DENND4C: variants seen among roughly 807,000 people sequenced by gnomAD.
DENND4C encodes the protein DENN domain-containing protein 4C.
Under a neutral mutation model 203.0 loss-of-function variants are expected in DENND4C, and 108 were observed. The observed-to-expected ratio is 0.53, with a 90% confidence interval of 0.46 to 0.62. The LOEUF (loss-of-function observed/expected upper bound fraction) is 0.62, where lower values mean the gene tolerates loss of function less well. DENND4C is among the 20% of genes least tolerant of loss of function. DENND4C has a pLI of 0.00. For missense variants in DENND4C, 2,481 were observed against 2,301.2 expected, an observed-to-expected ratio of 1.08 and a Z score of -1.60; for synonymous variants, 871 against 792.4, an observed-to-expected ratio of 1.10 and a Z score of -1.67.
chr9:19,319,876 A>G (rs142614547), intron 12 of DENND4C, among the ~76,000 whole-genome samples: 1 of 152,310 alleles, frequency 6.6e-6, no homozygotes, highest in African/African-American at 2.4e-5. Context: ...TTAGTGTCCT[A>G]AGGTATCCTT....
chr9:19,345,826 A>G (rs535758237), intron 22 of DENND4C, 95 bp from the exon 23 acceptor site: 1 of 1,151,242 alleles, frequency 8.7e-7, no homozygotes, highest in East Asian at 2.5e-5. Context: ...TATTCTGAGT[A>G]TATGTCACAT....
At chr9:19,350,016 G>T (rs1823725934) in intron 23 of DENND4C, among the ~76,000 whole-genome samples, 1 of 152,022 alleles carries the variant, frequency 6.6e-6, no homozygotes, top group Non-Finnish European at 1.5e-5. Context: ...TTAAAATCAT[G>T]TAACATGGTT....
Position 19,350,868 on chromosome 9 carries a change from A to G in DENND4C, c.4484A>G (p.His1495Arg). Residue 1495 changes from histidine (H) to arginine (R), a missense_variant, in exon 24 of 33, where the codon CAT (histidine) becomes CGT (arginine). This residue lies in a region of DENND4C where 2,289 missense variants were observed against 2,113.3 expected (regional missense o/e 1.08). Transcript: ENST00000434457. ...AGTAGTGGAGATGTAGGAAAACTGC[A>G]TTATCCAACAGGTATGGGGAAGGAT... The part of the protein sequence containing the change: ...SSSSGDVGKL[H>R]YPTGEVPFPR... 1.2e-6 allele frequency: 2 copies of G among 1,613,258 alleles called. No homozygotes were observed. The highest frequency in any genetic ancestry group is 1.7e-6 in the Non-Finnish European group (2 of 1,179,576).
chr9:19,306,879 C>G (rs1563785800), intron 10 of DENND4C, among the ~76,000 whole-genome samples: 1 of 151,934 alleles, frequency 6.6e-6, no homozygotes, highest in Non-Finnish European at 1.5e-5. Context: ...CTCCTGGGAT[C>G]AAGTGATTCT....
intron 2 of DENND4C, among the ~76,000 whole-genome samples, chr9:19,285,315 C>A (rs1478990517): frequency 6.6e-6 from 1 of 152,120 alleles, no homozygotes. Flanking sequence ...ATACAATTCA[C>A]ATGTCATACA....
chr9:19,289,955 G>A (rs1207724555), intron 4 of DENND4C, among the ~76,000 whole-genome samples: 2 of 151,930 alleles, frequency 1.3e-5, no homozygotes, highest in Admixed American at 1.3e-4. Context: ...CTTATAGAAA[G>A]AAACTGTACC....
At chr9:19,240,204 G>C (rs965693889) in intron 1 of DENND4C, among the ~76,000 whole-genome samples, 32 of 152,102 alleles carry the variant, frequency 2.1e-4, no homozygotes, top group African/African-American at 7.7e-4. Flanking sequence ...GTACTTACAT[G>C]ATCCTAGATG....
At chr9:19,350,929 T>C (rs75768183) in intron 24 of DENND4C, 50 bp downstream of exon 24, 2 of 515,830 alleles carry the variant, frequency 3.9e-6, no homozygotes, top group Non-Finnish European at 5.4e-6. Context: ...TAGTTTTTGC[T>C]TTTTTTTTTT....
At chr9:19,342,802 T>A in intron 22 of DENND4C, 23 bp downstream of exon 22, 1 of 1,538,826 alleles carries the variant, frequency 6.5e-7, no homozygotes. Flanking sequence ...ATTTTGGTTA[T>A]TAAATATTTA....
chr9:19,277,529 G>C (rs1833120612), intron 2 of DENND4C, among the ~76,000 whole-genome samples: 1 of 152,012 alleles, frequency 6.6e-6, no homozygotes, highest in Non-Finnish European at 1.5e-5. Flanking sequence ...CTGCAACTTT[G>C]CCGAATTTAT....
At chr9:19,328,505 C>G (rs1157037450) in intron 16 of DENND4C, among the ~76,000 whole-genome samples, 2 of 151,792 alleles carry the variant, frequency 1.3e-5, no homozygotes, top group African/African-American at 4.8e-5. Flanking sequence ...CCCAGCTACT[C>G]GGGAGGCTAA....
At chr9:19,234,606 G>A (rs1021358165) in intron 1 of DENND4C, among the ~76,000 whole-genome samples, 1 of 141,170 alleles carries the variant, frequency 7.1e-6, no homozygotes, top group African/African-American at 2.6e-5. Flanking sequence ...TCAGCTCACT[G>A]CAGCCTCTAC....
chr9:19,289,971 A>G (rs1018080563), intron 4 of DENND4C, among the ~76,000 whole-genome samples: 3 of 152,206 alleles, frequency 2.0e-5, no homozygotes, highest in Non-Finnish European at 4.4e-5. Flanking sequence ...GTACCAAAGT[A>G]TTCAGTTATT....
intron 15 of DENND4C, among the ~76,000 whole-genome samples, chr9:19,327,474 C>G (rs1818062903): frequency 6.6e-6 from 1 of 151,828 alleles, no homozygotes; most frequent in Admixed American, 6.6e-5. Flanking sequence ...CTAGCAAATT[C>G]TATTATTGGG....
intron 23 of DENND4C, among the ~76,000 whole-genome samples, chr9:19,350,193 A>T (rs1013861615): frequency 2.0e-5 from 3 of 152,200 alleles, no homozygotes; most frequent in African/African-American, 7.2e-5. Context: ...TATTCTGAAC[A>T]TTCAGATTCC....
intron 1 of DENND4C, among the ~76,000 whole-genome samples, chr9:19,257,347 C>A: frequency 7.2e-6 from 1 of 139,724 alleles, no homozygotes. Context: ...CAGAGTGACA[C>A]TCTGTCTCAA....
intron 5 of DENND4C, among the ~76,000 whole-genome samples, chr9:19,295,627 G>A (rs1299039521): frequency 6.8e-6 from 1 of 147,324 alleles, no homozygotes; most frequent in Non-Finnish European, 1.5e-5. Context: ...CTGAGATTGC[G>A]CTACTGCACT....
Position 19,360,334 on chromosome 9 carries a change from G to C in DENND4C, c.5251G>C (p.Glu1751Gln), listed in dbSNP as rs374003624. 6.2e-6 allele frequency: 10 copies of C among 1,613,904 alleles called. No individual in the cohort carries two copies. The African/African-American group carries it at 1.3e-4, about 22-fold the overall frequency. The change falls in exon 29 of 33, where the codon GAA becomes CAA. Residue 1751 changes from glutamate (E) to glutamine (Q), a missense_variant. By Grantham distance (29) the Glu-to-Gln change is conservative. This residue lies in a region of DENND4C where 2,289 missense variants were observed against 2,113.3 expected (regional missense o/e 1.08). Transcript: ENST00000434457. ...CCGTAAAGAACTTGAATCTTTGCTA[G>C]AAAATGAAGGTGATCAGGTGATTCA... Reference protein sequence around the residue: ...VLRKELESLLENEGDQVIHTS... With the variant: ...VLRKELESLLQNEGDQVIHTS...
At chr9:19,238,449 TTCCCCTCCCCTCCCCTCCCTC>T (rs1185268711) in intron 1 of DENND4C, among the ~76,000 whole-genome samples, 1 of 101,190 alleles carries the variant, frequency 9.9e-6, no homozygotes, top group Non-Finnish European at 2.0e-5. Flanking sequence ...TTCTCTTTCC[TTCCCCTCCCCTCCCCTCCCTC>T]TCCCCTCCCC....
Sources: allele counts gnomAD v4.1 joint callset (sites outside exome capture counted in the v4.1 genomes callset), GRCh38; gene constraint gnomAD v4.1.1; regional missense constraint gnomAD v4.1.1; transcripts MANE v1.5; gene names NCBI Gene and HGNC (gene_info 2026-07-23, HGNC 2026-07-21).